Variants in DLGAP1 observed in about 807,000 individuals in gnomAD.
DLGAP1 encodes disks large-associated protein 1.
A neutral mutation model predicts 90.8 loss-of-function variants in DLGAP1; 11 were observed. That is an observed-to-expected ratio of 0.12 (90% CI 0.08 to 0.20). The LOEUF (loss-of-function observed/expected upper bound fraction) is 0.20. Ranked by LOEUF, DLGAP1 falls within the 10% of genes least tolerant of loss-of-function variation. The probability of loss-of-function intolerance (pLI) is 1.00; values close to 1 mark genes in which losing one functional copy is unlikely to be tolerated. For missense variants in DLGAP1, 1,050 were observed against 1,333.8 expected (o/e 0.79, Z 3.31); for synonymous variants, 558 against 540.7 (o/e 1.03, Z -0.44).
At chr18:4,405,607 C>G (rs1039627176) in intron 1 of DLGAP1, among the ~76,000 whole-genome samples, 5 of 152,028 alleles carry the variant, frequency 3.3e-5, no homozygotes, top group African/African-American at 1.2e-4. Context: ...TGAGAGGGGA[C>G]ACAATACGTC....
intron 1 of DLGAP1, among the ~76,000 whole-genome samples, chr18:4,321,305 G>A (rs1345630690): frequency 6.6e-6 from 1 of 152,196 alleles, no homozygotes; most frequent in African/African-American, 2.4e-5. Context: ...TTATGATACA[G>A]CATCATTATT....
At chr18:4,135,731 T>C (rs1481536362) in intron 2 of DLGAP1, among the ~76,000 whole-genome samples, 2 of 151,842 alleles carry the variant, frequency 1.3e-5, no homozygotes, top group Non-Finnish European at 2.9e-5. Context: ...TTGGCTTATT[T>C]CACTTAACAC....
At chr18:3,732,581 A>G (rs2062479782) in intron 6 of DLGAP1, among the ~76,000 whole-genome samples, 1 of 152,216 alleles carries the variant, frequency 6.6e-6, no homozygotes, top group Non-Finnish European at 1.5e-5. Context: ...ACATTAACTC[A>G]TAGATTTAAA....
chr18:3,527,526 T>C (rs1307968086), intron 10 of DLGAP1, among the ~76,000 whole-genome samples: 1 of 151,438 alleles, frequency 6.6e-6, no homozygotes, highest in Non-Finnish European at 1.5e-5. Flanking sequence ...TCTGCTTATC[T>C]TTAGCTGCTG....
chr18:3,558,393 C>T (rs1207117846), intron 9 of DLGAP1, among the ~76,000 whole-genome samples: 3 of 152,114 alleles, frequency 2.0e-5, no homozygotes, highest in South Asian at 2.1e-4. Context: ...CTATAACACC[C>T]GGCTATTTTT....
intron 9 of DLGAP1, among the ~76,000 whole-genome samples, chr18:3,560,636 C>T (rs1339366508): frequency 6.7e-6 from 1 of 148,586 alleles, no homozygotes; most frequent in Non-Finnish European, 1.5e-5. Flanking sequence ...TAAATGAGCA[C>T]TGGCAGCAAG....
At chr18:3,608,876 C>T (rs2057454173) in intron 7 of DLGAP1, among the ~76,000 whole-genome samples, 1 of 152,206 alleles carries the variant, frequency 6.6e-6, no homozygotes, top group Admixed American at 6.5e-5. Context: ...CTTGCTCTGT[C>T]ACCCAGGCTG....
intron 4 of DLGAP1, among the ~76,000 whole-genome samples, chr18:3,875,641 G>A (rs1415714039): frequency 6.6e-6 from 1 of 152,178 alleles, no homozygotes; most frequent in Non-Finnish European, 1.5e-5. Context: ...TTCTTCAACT[G>A]TGAAATATCT....
At chr18:4,299,326 A>C (rs1055704471) in intron 1 of DLGAP1, among the ~76,000 whole-genome samples, 14 of 152,214 alleles carry the variant, frequency 9.2e-5, no homozygotes, top group African/African-American at 2.9e-4. Flanking sequence ...AACACTCAAC[A>C]GATCTATCTC....
intron 4 of DLGAP1, among the ~76,000 whole-genome samples, chr18:3,842,165 A>G (rs2068754399): frequency 6.6e-6 from 1 of 152,020 alleles, no homozygotes; most frequent in Non-Finnish European, 1.5e-5. Flanking sequence ...GAGACAAAGG[A>G]GGAAGCAGCT....
At chr18:3,620,439 G>A (rs949675820) in intron 7 of DLGAP1, among the ~76,000 whole-genome samples, 1 of 152,128 alleles carries the variant, frequency 6.6e-6, no homozygotes, top group East Asian at 1.9e-4. Flanking sequence ...GAGATGATCT[G>A]TGTTGTGTAA....
intron 3 of DLGAP1, among the ~76,000 whole-genome samples, chr18:3,926,415 TATATATACACACACAC>T (rs1568303402): frequency 1.6e-5 from 2 of 122,716 alleles, no homozygotes; most frequent in Admixed American, 8.3e-5. Context: ...TATATATATA[TATATATACACACACAC>T]ACACACACAC....
At chr18:3,667,192 C>T (rs2059915411) in intron 7 of DLGAP1, among the ~76,000 whole-genome samples, 3 of 152,128 alleles carry the variant, frequency 2.0e-5, no homozygotes, top group Admixed American at 6.5e-5. Context: ...ATTCTCTTGC[C>T]TCAGCCTTCT....
chr18:3,620,746 C>T (rs376861695), intron 7 of DLGAP1, among the ~76,000 whole-genome samples: 2 of 152,102 alleles, frequency 1.3e-5, no homozygotes, highest in East Asian at 1.9e-4. Flanking sequence ...TTAGTACAGA[C>T]GGGGTTTCAC....
chr18:4,198,604 C>T (rs1482873418), intron 1 of DLGAP1, among the ~76,000 whole-genome samples: 1 of 152,000 alleles, frequency 6.6e-6, no homozygotes, highest in African/African-American at 2.4e-5. Context: ...AAAATGAAAC[C>T]CATATATTTG....
chr18:3,765,533 A>C (rs2064200307), intron 5 of DLGAP1, among the ~76,000 whole-genome samples: 2 of 151,954 alleles, frequency 1.3e-5, no homozygotes, highest in Admixed American at 1.3e-4. Context: ...TACCCTTAAA[A>C]ATTTGTACAA....
chr18:4,202,089 ATT>A (rs1186809789), intron 1 of DLGAP1, among the ~76,000 whole-genome samples: 2 of 152,040 alleles, frequency 1.3e-5, no homozygotes, highest in African/African-American at 4.8e-5. Context: ...CCATTAAGTG[ATT>A]AGTAGATATA....
intron 7 of DLGAP1, among the ~76,000 whole-genome samples, chr18:3,632,736 T>C (rs1031479078): frequency 1.3e-5 from 2 of 152,184 alleles, no homozygotes; most frequent in African/African-American, 4.8e-5. Flanking sequence ...TGGAAGGTTA[T>C]ATGTGGCCTA....
intron 7 of DLGAP1, among the ~76,000 whole-genome samples, chr18:3,646,767 T>C (rs977557838): frequency 1.3e-4 from 19 of 150,694 alleles, no homozygotes; most frequent in African/African-American, 4.6e-4. Context: ...TACTAAAAAA[T>C]ACAAAAAATT....
Sources: gnomAD v4.1 joint callset for allele counts (sites outside exome capture counted in the v4.1 genomes callset) on GRCh38, gnomAD v4.1.1 for gene constraint, MANE v1.5 for transcripts, NCBI Gene and HGNC (gene_info 2026-07-23, HGNC 2026-07-21) for gene names.